The following DOCK3 variants were observed in gnomAD, a reference collection of about 807,000 sequenced individuals.
DOCK3 encodes the protein dedicator of cytokinesis 3.
In DOCK3, 60 loss-of-function variants were observed where a neutral mutation model predicts 265.6. The observed-to-expected ratio is 0.23, with a 90% confidence interval of 0.18 to 0.28. DOCK3 has a LOEUF of 0.28. DOCK3 is among the 10% of genes least tolerant of loss of function. The pLI is 1.00. For synonymous variants in DOCK3, 881 were observed against 938.0 expected, an observed-to-expected ratio of 0.94 and a Z score of 1.11; for missense variants, 1,981 against 2,594.3, an observed-to-expected ratio of 0.76 and a Z score of 5.14.
At position 51,270,853 on chromosome 3, in the gene DOCK3, G is replaced by A. The variant is rs1158904713; in HGVS notation, c.2394G>A (p.Glu798=). Residue 798 remains glutamate (E), a synonymous_variant, in exon 24 of 53, where the codon GAG becomes GAA. Transcript: ENST00000266037. ...LLNSFPTIFD[E]LLQMFTVQEV... is the part of the protein sequence containing the mutation. ...ATTCTTTCCCAACCATCTTTGATGA[G>A]CTTCTGCAAATGTTCACCGTGCAAG... The A allele has an allele frequency of 6.2e-7, 1 of 1,613,896 alleles. No homozygotes were observed. Among genetic ancestry groups the A allele is most frequent in the East Asian group, 2.2e-5 (1 of 44,900 alleles).
intron 27 of DOCK3, among the ~76,000 whole-genome samples, chr3:51,304,160 G>C (rs766653201): frequency 5.3e-5 from 8 of 152,140 alleles, no homozygotes; most frequent in Non-Finnish European, 1.0e-4. Flanking sequence ...AAGAAGAATG[G>C]GTCAGGGTCC....
At chr3:51,326,469 C>T (rs915607303) in intron 32 of DOCK3, among the ~76,000 whole-genome samples, 4 of 151,850 alleles carry the variant, frequency 2.6e-5, no homozygotes, top group Admixed American at 2.6e-4. Flanking sequence ...ACTAAAACTG[C>T]AAAACTATCA....
At chr3:51,171,083 T>C (rs537754408) in intron 12 of DOCK3, among the ~76,000 whole-genome samples, 4 of 152,216 alleles carry the variant, frequency 2.6e-5, no homozygotes, top group Non-Finnish European at 5.9e-5. Context: ...TTCTTCCTTT[T>C]GTTAACTTTG....
intron 4 of DOCK3, among the ~76,000 whole-genome samples, chr3:50,896,408 T>A (rs539072264): frequency 1.3e-4 from 20 of 152,318 alleles, no homozygotes; most frequent in African/African-American, 4.8e-4. Context: ...ATGGAGAGAT[T>A]GCAAACATTT....
chr3:51,007,468 G>A (rs1181096817), intron 5 of DOCK3, among the ~76,000 whole-genome samples: 3 of 151,868 alleles, frequency 2.0e-5, no homozygotes, highest in Admixed American at 6.6e-5. Flanking sequence ...TTTTGATGCG[G>A]TTGATTTTTA....
chr3:51,010,441 C>T (rs1029957784), intron 5 of DOCK3, among the ~76,000 whole-genome samples: 2 of 152,132 alleles, frequency 1.3e-5, no homozygotes, highest in South Asian at 2.1e-4. Context: ...AGATTGCAAC[C>T]CCTACTTTTT....
intron 5 of DOCK3, among the ~76,000 whole-genome samples, chr3:51,029,904 G>C (rs942754319): frequency 6.6e-6 from 1 of 151,956 alleles, no homozygotes; most frequent in Non-Finnish European, 1.5e-5. Context: ...GCTCAAGGTG[G>C]CCACCTGGTT....
intron 14 of DOCK3, 141 bp downstream of exon 14, chr3:51,214,388 C>A: frequency 1.7e-6 from 2 of 1,177,536 alleles, no homozygotes; most frequent in Non-Finnish European, 2.3e-6. Flanking sequence ...AGGCTGCTTA[C>A]TGCAGTCTGC....
At chr3:51,077,054 A>G (rs765026043) in intron 7 of DOCK3, among the ~76,000 whole-genome samples, 3 of 152,194 alleles carry the variant, frequency 2.0e-5, no homozygotes, top group Non-Finnish European at 2.9e-5. Context: ...TCTAGAGAGA[A>G]TATAAAATGC....
chr3:51,181,125 G>A (rs1176352065), intron 12 of DOCK3, among the ~76,000 whole-genome samples: 1 of 152,178 alleles, frequency 6.6e-6, no homozygotes, highest in Non-Finnish European at 1.5e-5. Context: ...AGTTGTAAAA[G>A]AAGAAATAGC....
intron 5 of DOCK3, among the ~76,000 whole-genome samples, chr3:51,041,090 A>G (rs1156884847): frequency 7.0e-6 from 1 of 142,798 alleles, no homozygotes; most frequent in Non-Finnish European, 1.5e-5. Flanking sequence ...TCCTTTCTAG[A>G]AGATTTTCAA....
intron 31 of DOCK3, among the ~76,000 whole-genome samples, chr3:51,314,066 G>A (rs146851193): frequency 2.0e-5 from 3 of 152,130 alleles, no homozygotes; most frequent in Non-Finnish European, 4.4e-5. Context: ...TTACTTGGCC[G>A]TAGCATTCAT....
intron 6 of DOCK3, among the ~76,000 whole-genome samples, chr3:51,070,878 T>C (rs547645650): frequency 6.6e-6 from 1 of 152,116 alleles, no homozygotes; most frequent in East Asian, 1.9e-4. Context: ...GAGATCTAGG[T>C]TGTGCACTCC....
intron 27 of DOCK3, among the ~76,000 whole-genome samples, chr3:51,302,751 A>G (rs751822140): frequency 4.6e-5 from 7 of 151,928 alleles, no homozygotes; most frequent in Admixed American, 6.6e-5. Context: ...TTGGCCCCCA[A>G]TCTCTTCTGG....
intron 1 of DOCK3, among the ~76,000 whole-genome samples, chr3:50,696,647 C>A (rs1369036663): frequency 6.6e-6 from 1 of 152,120 alleles, no homozygotes; most frequent in Non-Finnish European, 1.5e-5. Flanking sequence ...TTTGCAGCTA[C>A]CATCTTCCCT....
intron 5 of DOCK3, among the ~76,000 whole-genome samples, chr3:50,937,941 A>G (rs1196187129): frequency 6.6e-6 from 1 of 152,110 alleles, no homozygotes; most frequent in African/African-American, 2.4e-5. Flanking sequence ...GCAGAATTGT[A>G]CAATTAAAAA....
chr3:50,881,897 G>A (rs2048050937), intron 3 of DOCK3, among the ~76,000 whole-genome samples: 1 of 152,132 alleles, frequency 6.6e-6, no homozygotes, highest in Non-Finnish European at 1.5e-5. Flanking sequence ...AACACAGCAT[G>A]GTACTGGGAC....
At chr3:51,327,823 G>T (rs940091664) in intron 32 of DOCK3, among the ~76,000 whole-genome samples, 4 of 151,974 alleles carry the variant, frequency 2.6e-5, no homozygotes, top group Non-Finnish European at 5.9e-5. Context: ...GGGACTATAG[G>T]CAGGTGCTAC....
chr3:51,364,655 T>C (rs935570131), intron 49 of DOCK3, among the ~76,000 whole-genome samples: 1 of 152,250 alleles, frequency 6.6e-6, no homozygotes, highest in African/African-American at 2.4e-5. Context: ...TAAATTAATT[T>C]TTGTATGAGG....
Sources: allele counts gnomAD v4.1 joint callset (sites outside exome capture counted in the v4.1 genomes callset), GRCh38; gene constraint gnomAD v4.1.1; transcripts MANE v1.5; gene names NCBI Gene and HGNC (gene_info 2026-07-23, HGNC 2026-07-21).